KATNIP: variants seen among roughly 807,000 people sequenced by gnomAD.
KATNIP encodes katanin-interacting protein.
Under a neutral mutation model 174.0 loss-of-function variants are expected in KATNIP, and 126 were observed. That is an observed-to-expected ratio of 0.72 (90% CI 0.63 to 0.84). The LOEUF is 0.84. Ranked by LOEUF, KATNIP falls within the 40% of genes least tolerant of loss-of-function variation. The pLI is 0.00. For synonymous variants in KATNIP, 810 were observed against 835.7 expected, an observed-to-expected ratio of 0.97 and a Z score of 0.53; for missense variants, 1,958 against 2,109.7, an observed-to-expected ratio of 0.93 and a Z score of 1.41.
chr16:27,566,257 G>C (rs182915428), intron 1 of KATNIP, among the ~76,000 whole-genome samples: 1 of 152,102 alleles, frequency 6.6e-6, no homozygotes, highest in Admixed American at 6.5e-5. Context: ...TCAGGAAGCC[G>C]GCCAGGCGTG....
chr16:27,699,915 A>ATT (rs1021298684), intron 10 of KATNIP, among the ~76,000 whole-genome samples: 1 of 150,116 alleles, frequency 6.7e-6, no homozygotes, highest in Non-Finnish European at 1.5e-5. Context: ...TATTTTATTT[A>ATT]TTTTTTTTTT....
chr16:27,656,332 C>A (rs1287182625), intron 6 of KATNIP, among the ~76,000 whole-genome samples: 1 of 146,278 alleles, frequency 6.8e-6, no homozygotes, highest in African/African-American at 2.5e-5. Flanking sequence ...GTGGGAGGAT[C>A]ACTTGAGCCC....
At chr16:27,660,082 A>G in intron 6 of KATNIP, 1 of 890,786 alleles carries the variant, frequency 1.1e-6, no homozygotes, top group Non-Finnish European at 1.3e-6. Flanking sequence ...AAGCCTGGGA[A>G]GGTAGCTTGG....
In KATNIP at chr16:27,723,857, G is replaced by T. The variant is rs527718072; in HGVS notation, c.1743+2162G>T. On this transcript the variant is annotated intron_variant, in intron 14 of 27. Transcript: ENST00000261588. The stretch of plus-strand genomic sequence containing the variant: ...TCCCTTCCTGAGCTGCTTCTTGCTA[G>T]TTCTGCCACCCACCAGCTGTCCATC... Among the ~76,000 whole-genome samples, 98 of 152,006 alleles carry T rather than the reference G, an allele frequency of 6.4e-4. 1 individual carries two copies. In the South Asian group the frequency reaches 0.02, roughly 30 times the overall value.
chr16:27,570,375 C>T (rs1399560587), intron 1 of KATNIP, among the ~76,000 whole-genome samples: 1 of 151,788 alleles, frequency 6.6e-6, no homozygotes, highest in Non-Finnish European at 1.5e-5. Context: ...ACCAGCCTAG[C>T]CAACATGGTG....
At chr16:27,671,096 G>A (rs1177007948) in intron 6 of KATNIP, among the ~76,000 whole-genome samples, 1 of 152,158 alleles carries the variant, frequency 6.6e-6, no homozygotes, top group Non-Finnish European at 1.5e-5. Context: ...GGGAGGCTGA[G>A]GCAGGAGAAT....
chr16:27,605,114 G>A (rs546182914), intron 2 of KATNIP, among the ~76,000 whole-genome samples: 2 of 152,108 alleles, frequency 1.3e-5, no homozygotes, highest in East Asian at 3.9e-4. Flanking sequence ...ATTTTTTTTA[G>A]TGGAGATGGG....
At chr16:27,672,068 TTAATA>T (rs2077932037) in intron 6 of KATNIP, among the ~76,000 whole-genome samples, 1 of 151,966 alleles carries the variant, frequency 6.6e-6, no homozygotes, top group Non-Finnish European at 1.5e-5. Context: ...AAAAAATAAA[TTAATA>T]AAAAATAAAA....
chr16:27,736,475 C>A (rs2080899110), intron 14 of KATNIP, among the ~76,000 whole-genome samples: 1 of 152,158 alleles, frequency 6.6e-6, no homozygotes, highest in African/African-American at 2.4e-5. Context: ...AAAGAGGGGA[C>A]CGATGAGGTG....
At chr16:27,698,640 G>A (rs1457585217) in intron 9 of KATNIP, 140 bp downstream of exon 9, 15 of 810,206 alleles carry the variant, frequency 1.9e-5, no homozygotes, top group Non-Finnish European at 1.6e-5. Flanking sequence ...TGTTTCCACT[G>A]TTCAGACAGT....
chr16:27,609,298 G>A (rs762533089), intron 2 of KATNIP, among the ~76,000 whole-genome samples: 45 of 151,926 alleles, frequency 3.0e-4, no homozygotes, highest in Non-Finnish European at 5.4e-4. Context: ...GAGAGGGGGC[G>A]TGCAGTGTGT....
At chr16:27,770,084 G>A (rs2082248573) in intron 21 of KATNIP, 66 bp downstream of exon 21, 3 of 1,545,394 alleles carry the variant, frequency 1.9e-6, no homozygotes, top group Non-Finnish European at 2.7e-6. Flanking sequence ...TTTGCAAGTT[G>A]CTCTGATGTA....
chr16:27,698,715 C>G (rs866005321), intron 9 of KATNIP, among the ~76,000 whole-genome samples: 2 of 152,250 alleles, frequency 1.3e-5, no homozygotes, highest in Non-Finnish European at 2.9e-5. Flanking sequence ...TTCACAAAGC[C>G]TAAGCTGGGT....
chr16:27,708,991 C>A, intron 13 of KATNIP, 71 bp downstream of exon 13: 1 of 1,283,228 alleles, frequency 7.8e-7, no homozygotes, highest in Non-Finnish European at 1.1e-6. Flanking sequence ...CTTGGTAAAT[C>A]TGTGTTAAGG....
Position 27,681,398 on chromosome 16 carries a change from G to A in KATNIP, c.809-1G>A, listed in dbSNP as rs1010841950. 1 of 1,614,142 alleles carries A rather than the reference G, an allele frequency of 6.2e-7. No homozygotes were observed. The highest frequency in any genetic ancestry group is 2.2e-5 in the East Asian group (1 of 44,876). ...TACATGAAACAATTGTTTTCCTACA[G>A]GTCATAAAAGGGAAAGGAATTTGTC... On this transcript the variant is annotated splice_acceptor_variant, in intron 7 of 27. Coordinates refer to ENST00000261588, the MANE Select transcript of KATNIP (RefSeq NM_015202.5). LOFTEE classifies it high-confidence loss of function.
chr16:27,666,338 A>G (rs982270526), intron 6 of KATNIP, among the ~76,000 whole-genome samples: 1 of 152,230 alleles, frequency 6.6e-6, no homozygotes, highest in African/African-American at 2.4e-5. Flanking sequence ...AAACACATGT[A>G]TAATTCAAAT....
At chr16:27,601,646 C>A (rs978081690) in intron 2 of KATNIP, among the ~76,000 whole-genome samples, 2 of 152,116 alleles carry the variant, frequency 1.3e-5, no homozygotes, top group Non-Finnish European at 2.9e-5. Context: ...GCCAGAAGGA[C>A]CATGTGGCTA....
At chr16:27,696,972 AC>A (rs2078935245) in intron 8 of KATNIP, among the ~76,000 whole-genome samples, 1 of 151,954 alleles carries the variant, frequency 6.6e-6, no homozygotes, top group Admixed American at 6.6e-5. Context: ...CAGGTGATCC[AC>A]CCACCTCGAC....
intron 5 of KATNIP, among the ~76,000 whole-genome samples, chr16:27,633,861 T>A (rs2076562042): frequency 1.3e-5 from 2 of 152,318 alleles, no homozygotes; most frequent in South Asian, 4.1e-4. Flanking sequence ...ATAAACCCAG[T>A]GATCTTTCTG....
Sources: allele counts gnomAD v4.1 joint callset (sites outside exome capture counted in the v4.1 genomes callset), GRCh38; gene constraint gnomAD v4.1.1; transcripts MANE v1.5; gene names NCBI Gene and HGNC (gene_info 2026-07-23, HGNC 2026-07-21).